The following KCNIP1 variants were observed in gnomAD, a reference collection of about 807,000 sequenced individuals.
The protein encoded by KCNIP1 is A-type potassium channel modulatory protein KCNIP1.
A neutral mutation model predicts 33.0 loss-of-function variants in KCNIP1; 18 were observed. That is an observed-to-expected ratio of 0.55 (90% CI 0.38 to 0.81). The LOEUF (loss-of-function observed/expected upper bound fraction) is 0.81. KCNIP1 is among the 30% of genes least tolerant of loss of function. The probability of loss-of-function intolerance (pLI) is 0.00; values close to 1 mark genes in which losing one functional copy is unlikely to be tolerated. For missense variants in KCNIP1, 238 were observed against 271.6 expected (o/e 0.88, Z 0.87); for synonymous variants, 93 against 98.3 (o/e 0.95, Z 0.32).
intron 1 of KCNIP1, among the ~76,000 whole-genome samples, chr5:170,472,612 A>G (rs1756761648): frequency 1.2e-5 from 1 of 85,480 alleles, no homozygotes; most frequent in African/African-American, 4.7e-5. Flanking sequence ...CCCAAAGTCC[A>G]TTGTATCAGT....
At chr5:170,399,379 G>A (rs1754837710) in intron 1 of KCNIP1, among the ~76,000 whole-genome samples, 2 of 152,174 alleles carry the variant, frequency 1.3e-5, no homozygotes, top group Non-Finnish European at 2.9e-5. Flanking sequence ...TCAATATGGA[G>A]TCACTCTAGT....
At chr5:170,415,309 C>A (rs1755298537) in intron 1 of KCNIP1, among the ~76,000 whole-genome samples, 1 of 152,098 alleles carries the variant, frequency 6.6e-6, no homozygotes, top group African/African-American at 2.4e-5. Context: ...TCCTTGGATC[C>A]CTAATCCTAC....
intron 1 of KCNIP1, among the ~76,000 whole-genome samples, chr5:170,380,925 T>C (rs1267642131): frequency 6.6e-6 from 1 of 152,158 alleles, no homozygotes; most frequent in Non-Finnish European, 1.5e-5. Context: ...AATGAGATGA[T>C]GCATGTAAAG....
At chr5:170,636,271 C>T (rs1019308281) in intron 1 of KCNIP1, among the ~76,000 whole-genome samples, 6 of 152,176 alleles carry the variant, frequency 3.9e-5, no homozygotes, top group South Asian at 2.1e-4. Flanking sequence ...GATGGGTTCA[C>T]CAGGGGAATG....
intron 1 of KCNIP1, among the ~76,000 whole-genome samples, chr5:170,601,474 C>G (rs905807): frequency 0.32 from 48,125 of 152,020 alleles, 8,703 homozygotes; most frequent in Non-Finnish European, 0.42. Context: ...CTCCAGGGCT[C>G]TGTCTTAGAA....
chr5:170,356,638 G>C (rs1420120907), intron 1 of KCNIP1, among the ~76,000 whole-genome samples: 1 of 152,154 alleles, frequency 6.6e-6, no homozygotes, highest in African/African-American at 2.4e-5. Flanking sequence ...TTTGCTAAAG[G>C]CTCTCTTCCC....
intron 5 of KCNIP1, among the ~76,000 whole-genome samples, chr5:170,725,629 ATAATT>A (rs1312503325): frequency 1.3e-5 from 2 of 152,172 alleles, no homozygotes; most frequent in African/African-American, 4.8e-5. Flanking sequence ...ACTGTAGTCA[ATAATT>A]TAATTGAACA....
chr5:170,442,929 G>A (rs1561628273), intron 1 of KCNIP1, among the ~76,000 whole-genome samples: 1 of 152,194 alleles, frequency 6.6e-6, no homozygotes, highest in Non-Finnish European at 1.5e-5. Context: ...GGCCTGGACA[G>A]GTCCTGGAAT....
At chr5:170,640,611 A>T (rs1467545702) in intron 1 of KCNIP1, among the ~76,000 whole-genome samples, 1 of 152,210 alleles carries the variant, frequency 6.6e-6, no homozygotes, top group East Asian at 1.9e-4. Context: ...CCATCCCTCC[A>T]AACACACACT....
At chr5:170,728,323 A>G (rs1313980574) in intron 5 of KCNIP1, among the ~76,000 whole-genome samples, 1 of 152,224 alleles carries the variant, frequency 6.6e-6, no homozygotes, top group Admixed American at 6.5e-5. Context: ...CCACTGTTTA[A>G]CATTTCCTGA....
intron 1 of KCNIP1, among the ~76,000 whole-genome samples, chr5:170,629,574 G>C (rs1344407646): frequency 6.6e-6 from 1 of 152,196 alleles, no homozygotes; most frequent in African/African-American, 2.4e-5. Flanking sequence ...CCTTTCTCCA[G>C]GTGCTCAGTT....
At chr5:170,697,581 G>A (rs1762940438) in intron 1 of KCNIP1, among the ~76,000 whole-genome samples, 1 of 152,148 alleles carries the variant, frequency 6.6e-6, no homozygotes, top group Admixed American at 6.5e-5. Flanking sequence ...CAGTGCCCCA[G>A]CTAGGAAACG....
At chr5:170,392,184 T>C (rs1170885023) in intron 1 of KCNIP1, among the ~76,000 whole-genome samples, 2 of 152,044 alleles carry the variant, frequency 1.3e-5, no homozygotes, top group Non-Finnish European at 2.9e-5. Context: ...AGCCAACAGC[T>C]AGCAAATCTC....
chr5:170,417,789 C>T (rs143543101), intron 1 of KCNIP1, among the ~76,000 whole-genome samples: 6 of 152,314 alleles, frequency 3.9e-5, no homozygotes, highest in East Asian at 1.9e-4. Context: ...GAGAATCCAA[C>T]GAATACATTT....
At chr5:170,540,603 A>G (rs181829860) in intron 1 of KCNIP1, among the ~76,000 whole-genome samples, 3 of 152,340 alleles carry the variant, frequency 2.0e-5, no homozygotes, top group Admixed American at 1.3e-4. Context: ...AATGACTGAG[A>G]AGATTGGGCA....
At chr5:170,373,016 C>T (rs984121198) in intron 1 of KCNIP1, among the ~76,000 whole-genome samples, 2 of 152,172 alleles carry the variant, frequency 1.3e-5, no homozygotes, top group Non-Finnish European at 2.9e-5. Context: ...CAAACGTGGT[C>T]CAGTACTCAG....
At chr5:170,571,849 A>G (rs1757422321) in intron 1 of KCNIP1, among the ~76,000 whole-genome samples, 2 of 152,230 alleles carry the variant, frequency 1.3e-5, no homozygotes, top group South Asian at 4.1e-4. Flanking sequence ...CGCCTACAAA[A>G]TACCGAAGAA....
chr5:170,417,813 T>G (rs1457408013), intron 1 of KCNIP1, among the ~76,000 whole-genome samples: 3 of 152,218 alleles, frequency 2.0e-5, no homozygotes, highest in African/African-American at 7.2e-5. Context: ...TGATTTGCTC[T>G]CTCTTCTTTT....
At chr5:170,385,467 C>G in intron 1 of KCNIP1, 1 of 1,613,984 alleles carries the variant, frequency 6.2e-7, no homozygotes, top group Non-Finnish European at 8.5e-7. Context: ...GGGCAGTGAT[C>G]ATTTCTAGGT....
Sources: gnomAD v4.1 joint callset for allele counts (sites outside exome capture counted in the v4.1 genomes callset) on GRCh38, gnomAD v4.1.1 for gene constraint, MANE v1.5 for transcripts, NCBI Gene and HGNC (gene_info 2026-07-23, HGNC 2026-07-21) for gene names.